Variants in NKAIN2 observed in about 807,000 individuals in gnomAD.
NKAIN2 encodes the protein sodium/potassium-transporting ATPase subunit beta-1-interacting protein 2.
Under a neutral mutation model 32.6 loss-of-function variants are expected in NKAIN2, and 14 were observed. That is an observed-to-expected ratio of 0.43 (90% CI 0.28 to 0.67). The LOEUF (loss-of-function observed/expected upper bound fraction) is 0.67. NKAIN2 is among the 30% of genes least tolerant of loss of function. The pLI, the probability that NKAIN2 is intolerant of heterozygous loss-of-function variation, is 0.17. For missense variants in NKAIN2, 198 were observed against 258.3 expected (o/e 0.77, Z 1.60); for synonymous variants, 80 against 87.2 (o/e 0.92, Z 0.46).
chr6:124,584,414 G>A (rs1388568207), intron 3 of NKAIN2, among the ~76,000 whole-genome samples: 1 of 152,202 alleles, frequency 6.6e-6, no homozygotes, highest in Non-Finnish European at 1.5e-5. Flanking sequence ...CACTTTGGGA[G>A]GCTGAGGCAC....
intron 3 of NKAIN2, among the ~76,000 whole-genome samples, chr6:124,497,844 A>AAG (rs1778124167): frequency 2.0e-5 from 3 of 150,726 alleles, no homozygotes; most frequent in South Asian, 2.1e-4. Flanking sequence ...AAAAAAAAAA[A>AAG]AGACAAAAAG....
At chr6:123,948,827 A>G (rs1777198053) in intron 1 of NKAIN2, among the ~76,000 whole-genome samples, 1 of 151,688 alleles carries the variant, frequency 6.6e-6, no homozygotes, top group Admixed American at 6.6e-5. Context: ...TAGCGATAAA[A>G]TGTTTGCCTA....
Position 123,815,975 on chromosome 6 carries a change from A to G in NKAIN2, c.54+11721A>G, listed in dbSNP as rs571453785. Among the ~76,000 whole-genome samples the G allele has an allele frequency of 7.9e-5, 12 of 152,312 alleles. No individual in the cohort carries two copies. In the South Asian group the frequency reaches 2.3e-3, roughly 29 times the overall value. Reference sequence around the variant, plus strand: ...GCATGATAAGAACTTAAGATAATTAAGAATAAAATACAAAGGAAATTTATG... The same window carrying G: ...GCATGATAAGAACTTAAGATAATTAGGAATAAAATACAAAGGAAATTTATG... On this transcript the variant is annotated intron_variant, in intron 1 of 6. Coordinates refer to ENST00000368417, the MANE Select transcript of NKAIN2 (RefSeq NM_001040214.3).
intron 2 of NKAIN2, among the ~76,000 whole-genome samples, chr6:124,339,354 AC>A (rs1315785436): frequency 6.6e-6 from 1 of 151,980 alleles, no homozygotes; most frequent in Non-Finnish European, 1.5e-5. Context: ...AAACAAACAA[AC>A]AACAACAACA....
At chr6:124,220,773 G>T (rs1261515342) in intron 1 of NKAIN2, among the ~76,000 whole-genome samples, 3 of 152,020 alleles carry the variant, frequency 2.0e-5, no homozygotes, top group Admixed American at 2.0e-4. Context: ...GTGAGAGTGG[G>T]AACCTTTAGT....
chr6:124,473,887 C>T (rs146719565), intron 3 of NKAIN2, among the ~76,000 whole-genome samples: 136 of 152,248 alleles, frequency 8.9e-4, no homozygotes, highest in African/African-American at 3.2e-3. Flanking sequence ...GTCCTCAAGA[C>T]AGTGTGCAAA....
intron 3 of NKAIN2, among the ~76,000 whole-genome samples, chr6:124,556,774 G>C (rs1780491675): frequency 6.6e-6 from 1 of 152,080 alleles, no homozygotes; most frequent in Admixed American, 6.5e-5. Context: ...AAATTTATGT[G>C]GTTTCATACT....
intron 3 of NKAIN2, among the ~76,000 whole-genome samples, chr6:124,384,636 T>G (rs1211867419): frequency 6.9e-6 from 1 of 145,952 alleles, no homozygotes; most frequent in Non-Finnish European, 1.6e-5. Context: ...TTTCTGTTTT[T>G]TTGAGACAGG....
At chr6:124,683,067 T>C (rs1267725396) in intron 4 of NKAIN2, among the ~76,000 whole-genome samples, 3 of 152,208 alleles carry the variant, frequency 2.0e-5, no homozygotes, top group Non-Finnish European at 2.9e-5. Context: ...AGATTAGGCT[T>C]GGTTTTCCAC....
At chr6:123,872,932 C>T (rs1255710692) in intron 1 of NKAIN2, among the ~76,000 whole-genome samples, 1 of 152,130 alleles carries the variant, frequency 6.6e-6, no homozygotes, top group African/African-American at 2.4e-5. Context: ...TCTGGTATCA[C>T]ACACGTTTTA....
chr6:124,742,155 T>C (rs1777243430), intron 4 of NKAIN2, among the ~76,000 whole-genome samples: 2 of 151,844 alleles, frequency 1.3e-5, no homozygotes, highest in African/African-American at 4.8e-5. Flanking sequence ...TGCTTGTTAA[T>C]TTTGCACTAT....
At chr6:124,631,834 A>G (rs1783581685) in intron 3 of NKAIN2, among the ~76,000 whole-genome samples, 1 of 152,158 alleles carries the variant, frequency 6.6e-6, no homozygotes, top group Non-Finnish European at 1.5e-5. Context: ...TTTAGATCTC[A>G]CAACTACCCC....
At chr6:124,537,701 C>A (rs993212450) in intron 3 of NKAIN2, among the ~76,000 whole-genome samples, 1 of 152,056 alleles carries the variant, frequency 6.6e-6, no homozygotes, top group Non-Finnish European at 1.5e-5. Flanking sequence ...CCCTTTCATG[C>A]GTGCTCTCTC....
intron 1 of NKAIN2, among the ~76,000 whole-genome samples, chr6:124,277,187 A>G (rs540897022): frequency 2.6e-5 from 4 of 152,290 alleles, no homozygotes; most frequent in African/African-American, 9.6e-5. Context: ...AGTGGATGCT[A>G]CTGGAAACTA....
intron 1 of NKAIN2, among the ~76,000 whole-genome samples, chr6:124,162,856 TA>T (rs1788347189): frequency 6.6e-6 from 1 of 152,098 alleles, no homozygotes; most frequent in South Asian, 2.1e-4. Flanking sequence ...TCCTTTCCCA[TA>T]CATGAAGTCT....
At chr6:124,486,867 G>A (rs1021155364) in intron 3 of NKAIN2, among the ~76,000 whole-genome samples, 1 of 151,888 alleles carries the variant, frequency 6.6e-6, no homozygotes, top group African/African-American at 2.4e-5. Flanking sequence ...TCTTATCCTA[G>A]CCTTCATGCA....
intron 1 of NKAIN2, among the ~76,000 whole-genome samples, chr6:124,156,922 GT>G (rs1295246950): frequency 1.3e-5 from 2 of 151,672 alleles, no homozygotes; most frequent in African/African-American, 4.8e-5. Flanking sequence ...GGCCAACATG[GT>G]AAAACCCCGT....
intron 4 of NKAIN2, among the ~76,000 whole-genome samples, chr6:124,669,871 C>A (rs1362873821): frequency 6.6e-6 from 1 of 151,898 alleles, no homozygotes; most frequent in Non-Finnish European, 1.5e-5. Flanking sequence ...TTCCTTCTGC[C>A]TGACAAGCCT....
At position 124,071,591 on chromosome 6, in the gene NKAIN2, A is replaced by G. The variant is rs7767316; in HGVS notation, c.55-211414A>G. Among the ~76,000 whole-genome samples, 274 of 152,286 alleles carry G rather than the reference A, an allele frequency of 1.8e-3. 2 individuals carry two copies. Among genetic ancestry groups the G allele is most frequent in the African/African-American group, 6.4e-3 (264 of 41,548 alleles). On this transcript the variant is annotated intron_variant, in intron 1 of 6. Transcript: ENST00000368417. ...AAACTATGCACTCAACAAAGATCTA[A>G]TATCCAGAATCTGTAAGGAACTTAA... is the stretch of plus-strand genomic sequence containing the variant.
Sources: gnomAD v4.1 joint callset for allele counts (sites outside exome capture counted in the v4.1 genomes callset) on GRCh38, gnomAD v4.1.1 for gene constraint, MANE v1.5 for transcripts, NCBI Gene and HGNC (gene_info 2026-07-23, HGNC 2026-07-21) for gene names.